LRRC69: variants seen among roughly 807,000 people sequenced by gnomAD.
LRRC69 encodes the protein leucine rich repeat containing 69, also known as leucine-rich repeat-containing protein 69.
A neutral mutation model predicts 37.8 loss-of-function variants in LRRC69; 42 were observed. The observed-to-expected ratio is 1.11, with a 90% CI of 0.87 to 1.44. The LOEUF (loss-of-function observed/expected upper bound fraction) is 1.44. Ranked by LOEUF, LRRC69 falls within the 40% of genes most tolerant of loss-of-function variation. The pLI is 0.00. For synonymous variants in LRRC69, 141 were observed against 143.1 expected (o/e 0.99, Z 0.11); for missense variants, 357 against 401.9 (o/e 0.89, Z 0.96).
At chr8:91,166,504 A>C (rs936579681) in intron 5 of LRRC69, among the ~76,000 whole-genome samples, 3 of 151,044 alleles carry the variant, frequency 2.0e-5, no homozygotes, top group Non-Finnish European at 4.4e-5. Context: ...AAAAAAAAAA[A>C]AAAAAAAAAA....
intron 5 of LRRC69, among the ~76,000 whole-genome samples, chr8:91,188,959 G>C (rs1586274413): frequency 6.6e-6 from 1 of 151,146 alleles, no homozygotes; most frequent in Non-Finnish European, 1.5e-5. Context: ...CGAGTAGCTG[G>C]GATTATGGGC....
intron 1 of LRRC69, among the ~76,000 whole-genome samples, chr8:91,121,570 T>C (rs575156483): frequency 7.2e-5 from 11 of 152,160 alleles, no homozygotes; most frequent in Middle Eastern, 3.4e-3. Context: ...TCAGTCTATA[T>C]ATCAACTTCT....
At chr8:91,145,332 C>T (rs1808599108) in intron 5 of LRRC69, among the ~76,000 whole-genome samples, 1 of 151,934 alleles carries the variant, frequency 6.6e-6, no homozygotes, top group African/African-American at 2.4e-5. Context: ...GAACTATCCA[C>T]TTTGCTCAAA....
chr8:91,200,594 A>G lies in LRRC69; in HGVS notation c.754-19A>G. On this transcript the variant is annotated intron_variant, in intron 6 of 7. Transcript: ENST00000448384. ...TTTTGAAAACAATCTGAGGAACTGT[A>G]TTTTTTTTTTCAATTTAGGAAATAA... is the stretch of plus-strand genomic sequence containing the variant. 7.8e-7 allele frequency: 1 copy of G among 1,274,834 alleles called. No individual in the cohort carries two copies. Among genetic ancestry groups the G allele is most frequent in the African/African-American group, 1.6e-5 (1 of 63,692 alleles). The allele number at this position is 1,274,834 out of a possible 1,614,324, so 79.0% of individuals were successfully genotyped here.
intron 7 of LRRC69, among the ~76,000 whole-genome samples, 194 bp downstream of exon 7, chr8:91,200,986 C>T (rs1044952392): frequency 6.6e-6 from 1 of 152,154 alleles, no homozygotes; most frequent in Admixed American, 6.5e-5. Flanking sequence ...CATTCATAGA[C>T]TCCCAAATTT....
At chr8:91,110,737 A>C (rs1813394048) in intron 1 of LRRC69, among the ~76,000 whole-genome samples, 1 of 152,082 alleles carries the variant, frequency 6.6e-6, no homozygotes, top group Non-Finnish European at 1.5e-5. Flanking sequence ...AGTGATAATT[A>C]ATAGCTACAA....
At chr8:91,132,996 C>T in intron 3 of LRRC69, 114 bp from the exon 4 acceptor site, 2 of 614,680 alleles carry the variant, frequency 3.3e-6, no homozygotes, top group Non-Finnish European at 5.3e-6. Context: ...GAAGTAAGCT[C>T]AGAAGAGCTA....
chr8:91,112,700 T>G (rs1420315591), intron 1 of LRRC69, among the ~76,000 whole-genome samples: 1 of 152,020 alleles, frequency 6.6e-6, no homozygotes, highest in African/African-American at 2.4e-5. Flanking sequence ...TTACTTTCTC[T>G]ACTTTTCAAC....
chr8:91,214,967 C>T (rs937534105), intron 7 of LRRC69, among the ~76,000 whole-genome samples: 1 of 152,036 alleles, frequency 6.6e-6, no homozygotes, highest in African/African-American at 2.4e-5. Context: ...TCCATTGGCT[C>T]ATGGTTCCTT....
At position 91,105,010 on chromosome 8, in the gene LRRC69, G is replaced by A. The variant is rs554210955; in HGVS notation, c.183+2166G>A. On this transcript the variant is annotated intron_variant, in intron 1 of 7. Transcript: ENST00000448384. ...ATTCTTCTATTTAGGGGTAACCTAC[G>A]TGTTGACTTCTGTTTGTTCACTCTT... Among the ~76,000 whole-genome samples, 166 of 151,992 alleles carry A rather than the reference G, an allele frequency of 1.1e-3. 2 individuals are homozygous for A. Among genetic ancestry groups the A allele is most frequent in the Admixed American group, 2.7e-3 (41 of 15,258 alleles).
At chr8:91,185,345 GTCTC>G (rs531618572) in intron 5 of LRRC69, among the ~76,000 whole-genome samples, 35 of 141,570 alleles carry the variant, frequency 2.5e-4, no homozygotes, top group African/African-American at 3.9e-4. Context: ...CTGTCTGTCT[GTCTC>G]TCTCTCTCTC....
At chr8:91,173,941 AAG>A (rs2130586987) in intron 5 of LRRC69, among the ~76,000 whole-genome samples, 1 of 139,020 alleles carries the variant, frequency 7.2e-6, no homozygotes, top group African/African-American at 2.7e-5. Flanking sequence ...ATGAAAAAAA[AAG>A]AAGAAAAAAC....
intron 3 of LRRC69, chr8:91,130,712 A>C (rs1813793597): frequency 6.6e-6 from 1 of 151,972 alleles, no homozygotes; most frequent in South Asian, 2.1e-4. Flanking sequence ...TTATTGTACA[A>C]ATCTTTTTGT....
At chr8:91,155,530 A>G (rs1349606768) in intron 5 of LRRC69, among the ~76,000 whole-genome samples, 1 of 150,882 alleles carries the variant, frequency 6.6e-6, no homozygotes, top group African/African-American at 2.4e-5. Flanking sequence ...AACATACAAT[A>G]AATTACTAAC....
chr8:91,207,128 C>T (rs886545542), intron 7 of LRRC69, among the ~76,000 whole-genome samples: 1 of 152,200 alleles, frequency 6.6e-6, no homozygotes, highest in Non-Finnish European at 1.5e-5. Flanking sequence ...GAGAAACTCA[C>T]ATGTTCCCAG....
intron 5 of LRRC69, among the ~76,000 whole-genome samples, chr8:91,148,772 A>G (rs964373258): frequency 2.6e-5 from 4 of 151,944 alleles, no homozygotes; most frequent in African/African-American, 9.7e-5. Context: ...AATGATTGCC[A>G]TTCTAACTGG....
chr8:91,172,028 AT>A, intron 5 of LRRC69, among the ~76,000 whole-genome samples: 1 of 152,074 alleles, frequency 6.6e-6, no homozygotes, highest in East Asian at 1.9e-4. Context: ...TTAATGTATT[AT>A]TCATACATGC....
At chr8:91,157,251 A>G in intron 5 of LRRC69, 1 of 1,446,384 alleles carries the variant, frequency 6.9e-7, no homozygotes, top group Non-Finnish European at 9.7e-7. Context: ...TAGAAAGCAC[A>G]CTTCACCTCT....
chr8:91,170,103 AC>A (rs1309679915), intron 5 of LRRC69, among the ~76,000 whole-genome samples: 7 of 116,904 alleles, frequency 6.0e-5, no homozygotes, highest in African/African-American at 2.4e-4. Context: ...CGCCACACTG[AC>A]TTCCACAATG....
Sources: allele counts gnomAD v4.1 joint callset (sites outside exome capture counted in the v4.1 genomes callset), GRCh38; gene constraint gnomAD v4.1.1; transcripts MANE v1.5; gene names NCBI Gene and HGNC (gene_info 2026-07-23, HGNC 2026-07-21).